The following NKAIN3 variants were observed in gnomAD, a reference collection of about 807,000 sequenced individuals.
The protein encoded by NKAIN3 is sodium/potassium-transporting ATPase subunit beta-1-interacting protein 3.
In NKAIN3, 25 loss-of-function variants were observed where a neutral mutation model predicts 30.2. The observed-to-expected ratio is 0.83, with a 90% confidence interval of 0.60 to 1.16. The LOEUF (loss-of-function observed/expected upper bound fraction) is 1.16. Among genes scored for constraint, NKAIN3 ranks in the 50% most tolerant of loss-of-function variants. The pLI is 0.00. For synonymous variants in NKAIN3, 91 were observed against 89.6 expected (o/e 1.02, Z -0.09); for missense variants, 225 against 254.1 (o/e 0.89, Z 0.78).
At chr8:62,985,232 T>C (rs1423664741), downstream of NKAIN3, among the ~76,000 whole-genome samples, 2 of 152,226 alleles carry the variant, frequency 1.3e-5, no homozygotes, top group Non-Finnish European at 2.9e-5. Context: ...CACTCCACCC[T>C]GCCTCTTCCC....
chr8:62,311,334 T>C (rs1814423500), intron 1 of NKAIN3, among the ~76,000 whole-genome samples: 1 of 150,280 alleles, frequency 6.7e-6, no homozygotes, highest in African/African-American at 2.5e-5. Flanking sequence ...GTGTGTGCAT[T>C]GAGCTAGGTG....
chr8:62,689,117 C>T (rs7012066), intron 3 of NKAIN3, among the ~76,000 whole-genome samples: 20,546 of 152,114 alleles, frequency 0.14, 3,568 homozygotes, highest in African/African-American at 0.41. Flanking sequence ...AGAGAAACTA[C>T]AATTTATTTC....
rs75430914 is a variant in NKAIN3 at position 62,921,159 on chromosome 8, C to A, written c.532+2646C>A. 2.0e-5 allele frequency among the ~76,000 whole-genome samples: 3 copies of A among 152,230 alleles called. No homozygotes were observed. The East Asian group carries it at 5.8e-4, about 29-fold the overall frequency. Reference sequence around the variant, plus strand: ...AGACATGTCCTTTGAATTATTTTTCCAAAACTTACACATAAAATAAGTAAA... The same window carrying A: ...AGACATGTCCTTTGAATTATTTTTCAAAAACTTACACATAAAATAAGTAAA... On this transcript the variant is annotated intron_variant, in intron 5 of 6. Coordinates refer to ENST00000623646, the MANE Select transcript of NKAIN3 (RefSeq NM_001304533.3).
At chr8:62,340,712 T>C (rs931449337) in intron 1 of NKAIN3, among the ~76,000 whole-genome samples, 1 of 152,012 alleles carries the variant, frequency 6.6e-6, no homozygotes, top group African/African-American at 2.4e-5. Flanking sequence ...ATAGGATTCC[T>C]GCTGAGGGCA....
intron 4 of NKAIN3, among the ~76,000 whole-genome samples, chr8:62,811,063 C>T (rs1586223830): frequency 6.6e-6 from 1 of 152,140 alleles, no homozygotes; most frequent in Non-Finnish European, 1.5e-5. Flanking sequence ...CCTTCCCAAC[C>T]CCACCCTTGA....
At chr8:62,373,632 G>A (rs1190839518) in intron 1 of NKAIN3, among the ~76,000 whole-genome samples, 1 of 152,154 alleles carries the variant, frequency 6.6e-6, no homozygotes, top group Non-Finnish European at 1.5e-5. Flanking sequence ...TTGATGTAAG[G>A]TTGCAAGGCA....
intron 1 of NKAIN3, among the ~76,000 whole-genome samples, chr8:62,319,091 T>C (rs977021638): frequency 5.9e-5 from 9 of 152,256 alleles, no homozygotes; most frequent in African/African-American, 2.2e-4. Context: ...AATTTATCCA[T>C]TTCTTCTAGA....
intron 1 of NKAIN3, among the ~76,000 whole-genome samples, chr8:62,512,192 AATTATTG>A (rs1807834593): frequency 6.6e-6 from 1 of 152,136 alleles, no homozygotes; most frequent in African/African-American, 2.4e-5. Context: ...AGATTGCTAA[AATTATTG>A]ATAAATGATT....
In NKAIN3 at chr8:62,719,055, G is replaced by C. The variant is rs551794085; in HGVS notation, c.274-27877G>C. On this transcript the variant is annotated intron_variant, in intron 3 of 6. Coordinates refer to ENST00000623646, the MANE Select transcript of NKAIN3 (RefSeq NM_001304533.3). ...ACACTACAGTGTGGAAAGGTCCAAA[G>C]AGTAATAAGGAGACATATTGTTGTG... 3.9e-5 allele frequency among the ~76,000 whole-genome samples: 6 copies of C among 152,312 alleles called. No homozygotes were observed. The East Asian group carries it at 1.2e-3, about 29-fold the overall frequency.
chr8:62,942,223 T>TACAC (rs1406147678), intron 5 of NKAIN3, among the ~76,000 whole-genome samples: 37 of 33,922 alleles, frequency 1.1e-3, no homozygotes, highest in African/African-American at 3.5e-3. Context: ...CACATATATA[T>TACAC]ACATATATAT....
At chr8:62,723,517 G>A (rs1353935270) in intron 3 of NKAIN3, among the ~76,000 whole-genome samples, 2 of 152,004 alleles carry the variant, frequency 1.3e-5, no homozygotes, top group East Asian at 1.9e-4. Flanking sequence ...ACACAAAGCC[G>A]GATGTGTTGA....
At chr8:62,899,402 A>T (rs1366973346) in intron 4 of NKAIN3, among the ~76,000 whole-genome samples, 1 of 152,166 alleles carries the variant, frequency 6.6e-6, no homozygotes, top group Admixed American at 6.6e-5. Context: ...GTTCAGCCAT[A>T]AAAAAAGAAT....
At chr8:62,632,051 T>A (rs1311462799) in intron 3 of NKAIN3, among the ~76,000 whole-genome samples, 1 of 152,110 alleles carries the variant, frequency 6.6e-6, no homozygotes, top group Non-Finnish European at 1.5e-5. Context: ...TTGTGGTACA[T>A]TCAGAAACAC....
chr8:62,326,911 G>A (rs118047885), intron 1 of NKAIN3, among the ~76,000 whole-genome samples: 1,889 of 151,948 alleles, frequency 0.012, 27 homozygotes, highest in Non-Finnish European at 0.019. Flanking sequence ...ATCATTTTAC[G>A]TTGCCGCCGA....
Position 62,483,364 on chromosome 8 carries a change from C to A in NKAIN3, c.55-96175C>A, listed in dbSNP as rs998036559. ...ACGTGGTGGAATGCACCCTGGCAGA[C>A]TTTTGTCCACAGGTCGCTTTCCCCA... is the stretch of plus-strand genomic sequence containing the variant. On this transcript the variant is annotated intron_variant, in intron 1 of 6. Coordinates refer to ENST00000623646, the MANE Select transcript of NKAIN3 (RefSeq NM_001304533.3). 1.9e-5 allele frequency: 4 copies of A among 208,168 alleles called. No homozygotes were observed. The East Asian group carries it at 4.5e-4, about 24-fold the overall frequency. The allele number at this position is 208,168 out of a possible 1,614,324, so 12.9% of individuals were successfully genotyped here.
intron 1 of NKAIN3, among the ~76,000 whole-genome samples, chr8:62,577,751 C>T (rs1810162234): frequency 2.0e-5 from 3 of 151,508 alleles, no homozygotes; most frequent in African/African-American, 7.3e-5. Context: ...TGATATTTTG[C>T]GTTTTAGCCA....
intron 3 of NKAIN3, among the ~76,000 whole-genome samples, chr8:62,718,103 G>A (rs1255181278): frequency 1.3e-5 from 2 of 152,166 alleles, no homozygotes. Flanking sequence ...CAGATCTCAT[G>A]AGACTTATTC....
intron 4 of NKAIN3, among the ~76,000 whole-genome samples, chr8:62,761,944 C>T (rs1816679825): frequency 6.6e-6 from 1 of 151,902 alleles, no homozygotes; most frequent in African/African-American, 2.4e-5. Context: ...CTACTCCCCC[C>T]AAAAAAGATG....
At chr8:62,719,484 G>A (rs1169501571) in intron 3 of NKAIN3, among the ~76,000 whole-genome samples, 3 of 152,082 alleles carry the variant, frequency 2.0e-5, no homozygotes, top group African/African-American at 4.8e-5. Flanking sequence ...ATATTCTCTT[G>A]GGAACTAGCC....
Sources: gnomAD v4.1 joint callset for allele counts (sites outside exome capture counted in the v4.1 genomes callset) on GRCh38, gnomAD v4.1.1 for gene constraint, MANE v1.5 for transcripts, NCBI Gene and HGNC (gene_info 2026-07-23, HGNC 2026-07-21) for gene names.